NID2: variants seen among roughly 807,000 people sequenced by gnomAD.
NID2 encodes the protein nidogen 2.
NID2 carries 83 observed loss-of-function variants against 145.4 expected under a neutral mutation model. That is an observed-to-expected ratio of 0.57 (90% CI 0.48 to 0.69). The LOEUF (loss-of-function observed/expected upper bound fraction) is 0.69. NID2 is among the 30% of genes least tolerant of loss of function. The probability of loss-of-function intolerance (pLI) is 0.00; values close to 1 mark genes in which losing one functional copy is unlikely to be tolerated. For missense variants in NID2, 1,807 were observed against 1,765.7 expected (o/e 1.02, Z -0.42); for synonymous variants, 739 against 701.3 (o/e 1.05, Z -0.85).
chr14:52,010,098 GAATAGAGA>G (rs1229128839), intron 18 of NID2: 2 of 152,230 alleles, frequency 1.3e-5, no homozygotes, highest in African/African-American at 4.8e-5. Context: ...AAGTCAACTG[GAATAGAGA>G]AGGATACAGG....
In NID2 at chr14:52,068,083, G is replaced by T; in HGVS notation, c.309C>A (p.Phe103Leu). 6.2e-7 allele frequency: 1 copy of T among 1,613,708 alleles called. No homozygotes were observed. ...CCGCCAGAAAAGGGGCGATGGCCGG[G>T]AAGTCGGTGGGGAAATCATAGTCCA... ...QYVDYDFPTD[F>L]PAIAPFLADI... Residue 103 changes from phenylalanine (F) to leucine (L), a missense_variant, in exon 2 of 22, where the codon TTC becomes TTA. Coordinates refer to ENST00000216286, the MANE Select transcript of NID2 (RefSeq NM_007361.4).
chr14:52,058,735 A>T (rs1185341423), intron 3 of NID2, among the ~76,000 whole-genome samples: 1 of 152,156 alleles, frequency 6.6e-6, no homozygotes, highest in Admixed American at 6.5e-5. Flanking sequence ...CTATTTGTCT[A>T]TCAACCCTAA....
In NID2 at chr14:52,029,601, C is replaced by T; in HGVS notation, c.2347G>A (p.Asp783Asn). The T allele has an allele frequency of 6.2e-7, 1 of 1,613,368 alleles. No individual in the cohort carries two copies. The highest frequency in any genetic ancestry group is 8.5e-7 in the Non-Finnish European group (1 of 1,179,282). Reference sequence around the variant, plus strand: ...CCAGATGCGCACTCACAGGTGTAATCTACACCTGTCCCTGGATGGCACCGT... The same window carrying T: ...CCAGATGCGCACTCACAGGTGTAATTTACACCTGTCCCTGGATGGCACCGT... Reference protein sequence around the residue: ...TARCHPGTGVDYTCECASGYQ... With the variant: ...TARCHPGTGVNYTCECASGYQ... Residue 783 changes from aspartate (D) to asparagine (N), a missense_variant, in exon 10 of 22, where the codon GAT (aspartate) becomes AAT (asparagine). Coordinates refer to ENST00000216286, the MANE Select transcript of NID2 (RefSeq NM_007361.4).
At position 52,051,583 on chromosome 14, in the gene NID2, A is replaced by C. The variant is rs147949265; in HGVS notation, c.1429+1996T>G. Among the ~76,000 whole-genome samples the C allele has an allele frequency of 6.9e-3, 1,052 of 152,290 alleles. 24 individuals carry two copies. Among genetic ancestry groups the C allele is most frequent in the East Asian group, 0.026 (134 of 5,186 alleles). On this transcript the variant is annotated intron_variant, in intron 5 of 21. Transcript: ENST00000216286. Reference sequence around the variant, plus strand: ...CTCCCACCCCACAGCTTCCCGGAGGAAGCCCACACTTACCAGACAGACCTC... The same window carrying C: ...CTCCCACCCCACAGCTTCCCGGAGGCAGCCCACACTTACCAGACAGACCTC...
At chr14:52,045,069 C>G (rs946923916) in intron 5 of NID2, among the ~76,000 whole-genome samples, 4 of 152,150 alleles carry the variant, frequency 2.6e-5, no homozygotes, top group Non-Finnish European at 5.9e-5. Context: ...TCCACGACCC[C>G]TTCAATGGGA....
intron 10 of NID2, among the ~76,000 whole-genome samples, 187 bp downstream of exon 10, chr14:52,029,360 C>T (rs1170305190): frequency 1.3e-5 from 2 of 152,210 alleles, no homozygotes; most frequent in African/African-American, 4.8e-5. Context: ...CACTCCAAAC[C>T]ATCTTTTCAA....
rs781183775 is a variant in NID2 at position 52,015,285 on chromosome 14, T to G, written c.3029-10A>C. ...GGCCTCTGGGTGGGCTCTGAGCAGA[T>G]GGGGAAGAGGGAAGAAGAAAAACCT... On this transcript the variant is annotated splice_polypyrimidine_tract_variant and intron_variant, in intron 14 of 21. Transcript: ENST00000216286. 1 of 1,597,684 alleles carries G rather than the reference T, an allele frequency of 6.3e-7. No homozygotes were observed. The highest frequency in any genetic ancestry group is 8.6e-7 in the Non-Finnish European group (1 of 1,167,634).
Position 52,053,639 on chromosome 14 carries a change from G to A in NID2, c.1369C>T (p.Pro457Ser). The change falls in exon 5 of 22, where the codon CCC becomes TCC. Residue 457 changes from proline to serine, a missense_variant. Transcript: ENST00000216286. ...ACCTCATACGTCCCTCGACTTAAGG[G>A]TGTAGTGTGACCTGAAGCAGGGTAA... ...RSYPASGHTT[P>S]LSRGTYEVGL... 1 of 1,614,220 alleles carries A rather than the reference G, an allele frequency of 6.2e-7. No homozygotes were observed. Among genetic ancestry groups the A allele is most frequent in the Non-Finnish European group, 8.5e-7 (1 of 1,180,026 alleles).
intron 2 of NID2, among the ~76,000 whole-genome samples, chr14:52,065,863 C>T (rs1215868726): frequency 7.1e-6 from 1 of 141,572 alleles, no homozygotes; most frequent in African/African-American, 2.7e-5. Context: ...CATAGTATTC[C>T]ATGGTGTATA....
intron 2 of NID2, among the ~76,000 whole-genome samples, chr14:52,066,578 C>T (rs1378732499): frequency 6.6e-6 from 1 of 152,022 alleles, no homozygotes; most frequent in Non-Finnish European, 1.5e-5. Flanking sequence ...AATATATACA[C>T]CTACTATGTA....
At chr14:52,017,202 G>A (rs1891240073) in intron 14 of NID2, among the ~76,000 whole-genome samples, 1 of 152,166 alleles carries the variant, frequency 6.6e-6, no homozygotes, top group Admixed American at 6.5e-5. Flanking sequence ...TCCAAACAAA[G>A]AGACATGCCT....
chr14:52,038,949 G>T lies in NID2; in HGVS notation c.2055C>A (p.Tyr685Ter). The T allele has an allele frequency of 1.2e-6, 2 of 1,613,574 alleles. No homozygotes were observed. Among genetic ancestry groups the T allele is most frequent in the Non-Finnish European group, 1.7e-6 (2 of 1,179,660 alleles). Residue 685 changes from tyrosine (Y) to a stop codon, truncating the protein, a stop_gained, in exon 9 of 22, where the codon TAC becomes TAA. Coordinates refer to ENST00000216286, the MANE Select transcript of NID2 (RefSeq NM_007361.4). LOFTEE classifies it high-confidence loss of function. The stretch of plus-strand genomic sequence containing the variant: ...GGTTGATTGCACCAAAAGTCAGAGA[G>T]TAGTCTCTGGAACTTGTAGAGGTCA... Reference protein sequence around the residue: ...STVTSTSSRDYSLTFGAINQT... With the variant: ...STVTSTSSRD
At chr14:52,033,124 TCTC>T (rs1891930159) in intron 9 of NID2, among the ~76,000 whole-genome samples, 1 of 152,244 alleles carries the variant, frequency 6.6e-6, no homozygotes, top group Admixed American at 6.5e-5. Context: ...TGTAAGCTTT[TCTC>T]CTATTATAGT....
chr14:52,038,825 C>T lies in NID2; in HGVS notation c.2179G>A (p.Asp727Asn). The change falls in exon 9 of 22, where the codon GAC (aspartate) becomes AAC (asparagine). Residue 727 changes from aspartate (D) to asparagine (N), a missense_variant. Physicochemically the swap from Asp to Asn is conservative, Grantham distance 23 (BLOSUM62 1). Transcript: ENST00000216286. ...TCATTATACAAGGCAAAGACCCGGT[C>T]CACGTTCAGCTGCTGGGTGGTGGGG... is the stretch of plus-strand genomic sequence containing the variant. Reference protein sequence around the residue: ...SFPTTQQLNVDRVFALYNDEE... With the variant: ...SFPTTQQLNVNRVFALYNDEE... The T allele has an allele frequency of 6.2e-7, 1 of 1,613,770 alleles. No homozygotes were observed. Among genetic ancestry groups the T allele is most frequent in the Non-Finnish European group, 8.5e-7 (1 of 1,179,892 alleles).
rs1245823058 is a variant in NID2 at position 52,005,363 on chromosome 14, T to C, written c.*123A>G. On this transcript the variant is annotated 3_prime_UTR_variant, in exon 22 of 22. Coordinates refer to ENST00000216286, the MANE Select transcript of NID2 (RefSeq NM_007361.4). ...GTCTTTTTGCACTACAAAATGTTCA[T>C]CTTGGATGCTCAGGAACGTCTAATG... 1 of 878,050 alleles carries C rather than the reference T, an allele frequency of 1.1e-6. No individual in the cohort carries two copies. The highest frequency in any genetic ancestry group is 3.0e-5 in the Admixed American group (1 of 33,868). 54.4% of individuals were successfully genotyped at this position (878,050 alleles called of 1,614,324 possible). A position where few individuals can be genotyped will look rare whatever the true frequency, so the allele number is the denominator to read the frequency against.
intron 12 of NID2, among the ~76,000 whole-genome samples, chr14:52,021,446 C>G (rs1891399356): frequency 6.6e-6 from 1 of 152,184 alleles, no homozygotes; most frequent in African/African-American, 2.4e-5. Flanking sequence ...CACCCTTTGT[C>G]CAGACCACAC....
In NID2 at chr14:52,005,725, C is replaced by T; in HGVS notation, c.4117+12G>A. The T allele has an allele frequency of 6.3e-7, 1 of 1,597,900 alleles. No individual in the cohort carries two copies. ...GCTAATTTAAAGGAGCATCCTAAAG[C>T]ATACTTTTTACCTGTTGGGCAGTAG... On this transcript the variant is annotated intron_variant, in intron 21 of 21. Transcript: ENST00000216286.
intron 9 of NID2, among the ~76,000 whole-genome samples, chr14:52,037,723 T>C (rs1329171924): frequency 1.3e-5 from 2 of 152,242 alleles, no homozygotes; most frequent in Non-Finnish European, 2.9e-5. Flanking sequence ...GTTGAATTAA[T>C]AGATCAATTT....
At chr14:52,042,747 T>C in intron 6 of NID2, 35 bp downstream of exon 6, 1 of 1,608,132 alleles carries the variant, frequency 6.2e-7, no homozygotes, top group Non-Finnish European at 8.5e-7. Context: ...GCAGCAGGAA[T>C]AGACACACAG....
Sources: allele counts gnomAD v4.1 joint callset (sites outside exome capture counted in the v4.1 genomes callset), GRCh38; gene constraint gnomAD v4.1.1; transcripts MANE v1.5; gene names NCBI Gene and HGNC (gene_info 2026-07-23, HGNC 2026-07-21).